RASGRP3: variants seen among roughly 807,000 people sequenced by gnomAD.
RASGRP3 encodes ras guanyl-releasing protein 3.
RASGRP3 carries 54 observed loss-of-function variants against 82.7 expected under a neutral mutation model. The observed-to-expected ratio is 0.65, with a 90% CI of 0.52 to 0.82. The LOEUF is 0.82. RASGRP3 is among the 40% of genes least tolerant of loss of function. The pLI is 0.00. For synonymous variants in RASGRP3, 309 were observed against 300.5 expected (o/e 1.03, Z -0.29); for missense variants, 861 against 828.9 (o/e 1.04, Z -0.48).
intron 2 of RASGRP3, among the ~76,000 whole-genome samples, chr2:33,513,154 G>T (rs377661980): frequency 6.6e-6 from 1 of 152,166 alleles, no homozygotes; most frequent in Non-Finnish European, 1.5e-5. Context: ...TTGATCCAGC[G>T]TTTCTGCTGT....
At chr2:33,518,739 G>A (rs1028052926) in intron 4 of RASGRP3, among the ~76,000 whole-genome samples, 1 of 147,562 alleles carries the variant, frequency 6.8e-6, no homozygotes, top group Admixed American at 6.7e-5. Flanking sequence ...AACTTTTTTC[G>A]TTAAAAGCAA....
At chr2:33,457,008 T>C (rs371831795) in intron 2 of RASGRP3, among the ~76,000 whole-genome samples, 2 of 151,270 alleles carry the variant, frequency 1.3e-5, no homozygotes, top group South Asian at 2.1e-4. Context: ...GTTCAAGTGA[T>C]TCTTGTGCCT....
intron 1 of RASGRP3, among the ~76,000 whole-genome samples, chr2:33,504,129 C>T (rs1019674907): frequency 6.6e-6 from 1 of 152,158 alleles, no homozygotes; most frequent in Non-Finnish European, 1.5e-5. Flanking sequence ...TTGCATATGT[C>T]TATCCTATGC....
intron 2 of RASGRP3, among the ~76,000 whole-genome samples, chr2:33,450,149 A>T (rs566463485): frequency 7.9e-5 from 12 of 152,318 alleles, no homozygotes; most frequent in African/African-American, 2.9e-4. Flanking sequence ...TTATGATGTA[A>T]AACATGATGT....
intron 1 of RASGRP3, among the ~76,000 whole-genome samples, chr2:33,497,302 G>C (rs920138331): frequency 6.6e-6 from 1 of 152,200 alleles, no homozygotes; most frequent in Non-Finnish European, 1.5e-5. Context: ...GTAGACATGA[G>C]ATATTGTGGT....
Position 33,558,311 on chromosome 2 carries a change from G to T in RASGRP3, c.1680G>T (p.Leu560=), listed in dbSNP as rs1676246340. The change falls in exon 16 of 18, where the codon CTG becomes CTT. Residue 560 remains leucine, a synonymous_variant. Coordinates refer to ENST00000403687, the MANE Select transcript of RASGRP3 (RefSeq NM_001139488.2). Reference sequence around the variant, plus strand: ...CCTTGAGCAGTGGTCATGGGTCACTGCCTGGAAGCCCCTCGCTGCCCCCAG... The same window carrying T: ...CCTTGAGCAGTGGTCATGGGTCACTTCCTGGAAGCCCCTCGCTGCCCCCAG... ...APSLSSGHGS[L]PGSPSLPPAQ... The T allele has an allele frequency of 6.2e-7, 1 of 1,613,652 alleles. No homozygotes were observed. Among genetic ancestry groups the T allele is most frequent in the East Asian group, 2.2e-5 (1 of 44,836 alleles).
chr2:33,523,817 C>G, intron 7 of RASGRP3, 62 bp from the exon 8 acceptor site: 2 of 1,420,572 alleles, frequency 1.4e-6, no homozygotes, highest in Non-Finnish European at 1.9e-6. Context: ...ATGCAATATT[C>G]TAATTTTTGA....
intron 7 of RASGRP3, among the ~76,000 whole-genome samples, chr2:33,522,422 T>C (rs1412271970): frequency 2.0e-5 from 3 of 152,198 alleles, no homozygotes; most frequent in Admixed American, 6.5e-5. Flanking sequence ...CAAGTGAACA[T>C]GTTTTGCTAG....
chr2:33,516,499 T>G (rs1186921833), intron 3 of RASGRP3, 43 bp from the exon 4 acceptor site: 1 of 1,325,996 alleles, frequency 7.5e-7, no homozygotes, highest in Non-Finnish European at 1.1e-6. Flanking sequence ...AAGTAAAGAA[T>G]AGCACTATTA....
chr2:33,455,602 G>A (rs954545639), intron 2 of RASGRP3, among the ~76,000 whole-genome samples: 2 of 152,222 alleles, frequency 1.3e-5, no homozygotes, highest in African/African-American at 4.8e-5. Flanking sequence ...GGAAAGTGCT[G>A]CCAAAGGCAG....
intron 12 of RASGRP3, 109 bp from the exon 13 acceptor site, chr2:33,543,403 C>G (rs1281943639): frequency 4.6e-6 from 3 of 652,170 alleles, no homozygotes; most frequent in Non-Finnish European, 5.2e-6. Context: ...TCACTAGATT[C>G]TAACCTCCTT....
intron 16 of RASGRP3, 123 bp downstream of exon 16, chr2:33,558,459 G>T: frequency 6.9e-7 from 1 of 1,442,538 alleles, no homozygotes. Context: ...CCTTCTTTAG[G>T]GTGAGCAGCA....
intron 10 of RASGRP3, among the ~76,000 whole-genome samples, chr2:33,528,677 C>A (rs1672808084): frequency 6.6e-6 from 1 of 152,212 alleles, no homozygotes; most frequent in African/African-American, 2.4e-5. Context: ...TTCTCACAAA[C>A]TGTTCCTAGA....
At position 33,558,964 on chromosome 2, in the gene RASGRP3, T is replaced by C; in HGVS notation, c.1998T>C (p.Val666=). Residue 666 remains valine (V), a synonymous_variant, in exon 17 of 18, where the codon GTT becomes GTC. Coordinates refer to ENST00000403687, the MANE Select transcript of RASGRP3 (RefSeq NM_001139488.2). Reference sequence around the variant, plus strand: ...CCAGGGTGCATGCTGGTGTGGATGTTGTAGACCGGGGCACGGAGTTTGAAC... The same window carrying C: ...CCAGGGTGCATGCTGGTGTGGATGTCGTAGACCGGGGCACGGAGTTTGAAC... ...EKPRVHAGVD[V]VDRGTEFELD... 1 of 1,613,954 alleles carries C rather than the reference T, an allele frequency of 6.2e-7. No individual in the cohort carries two copies. The highest frequency in any genetic ancestry group is 8.5e-7 in the Non-Finnish European group (1 of 1,179,876).
intron 4 of RASGRP3, among the ~76,000 whole-genome samples, chr2:33,517,866 T>C (rs1671614812): frequency 6.6e-6 from 1 of 152,198 alleles, no homozygotes. Context: ...ATGTGGAAAG[T>C]TGAAGACTGC....
intron 15 of RASGRP3, 149 bp from the exon 16 acceptor site, chr2:33,558,062 A>G: frequency 1.9e-6 from 2 of 1,056,200 alleles, no homozygotes. Flanking sequence ...TCCAGATCCT[A>G]GACACACCCC....
Position 33,555,534 on chromosome 2 carries a change from T to C in RASGRP3, c.1546T>C (p.Trp516Arg). 3 of 1,598,938 alleles carry C rather than the reference T, an allele frequency of 1.9e-6. No homozygotes were observed. Among genetic ancestry groups the C allele is most frequent in the Non-Finnish European group, 2.6e-6 (3 of 1,168,744 alleles). The change falls in exon 15 of 18, where the codon TGG becomes CGG. Residue 516 changes from tryptophan to arginine, a missense_variant. By Grantham distance (101) the Trp-to-Arg change is moderately radical. Coordinates refer to ENST00000403687, the MANE Select transcript of RASGRP3 (RefSeq NM_001139488.2). Reference sequence around the variant, plus strand: ...ATTCCTTTGTCTTTTGTTACAGCTCTGGGGCATAATCAAGCAAGGATACAA... The same window carrying C: ...ATTCCTTTGTCTTTTGTTACAGCTCCGGGGCATAATCAAGCAAGGATACAA... The part of the protein sequence containing the change: ...TFCEHCAGFL[W>R]GIIKQGYKCK...
chr2:33,546,778 A>G (rs1037445957), intron 13 of RASGRP3, among the ~76,000 whole-genome samples: 13 of 152,052 alleles, frequency 8.5e-5, no homozygotes, highest in African/African-American at 2.9e-4. Context: ...CATAAAAAAG[A>G]ACGAGATTGC....
intron 2 of RASGRP3, among the ~76,000 whole-genome samples, chr2:33,471,340 T>G (rs1174389685): frequency 3.6e-5 from 4 of 109,834 alleles, no homozygotes; most frequent in African/African-American, 1.4e-4. Context: ...CACACTGGGC[T>G]ATTTTTTTTT....
Sources: allele counts gnomAD v4.1 joint callset (sites outside exome capture counted in the v4.1 genomes callset), GRCh38; gene constraint gnomAD v4.1.1; transcripts MANE v1.5; gene names NCBI Gene and HGNC (gene_info 2026-07-23, HGNC 2026-07-21).